OR8I2: variants seen among roughly 807,000 people sequenced by gnomAD.
OR8I2 encodes the protein olfactory receptor 8I2.
For synonymous variants in OR8I2, 158 were observed against 142.8 expected (o/e 1.11, Z -0.76); for missense variants, 431 against 368.3 (o/e 1.17, Z -1.39).
In OR8I2 at chr11:56,093,677, A is replaced by G. The variant is rs17603011; in HGVS notation, c.370A>G (p.Ile124Val). 0.074 allele frequency: 119,376 copies of G among 1,613,826 alleles called. 4,979 individuals carry two copies. The highest frequency in any genetic ancestry group is 0.083 in the Non-Finnish European group (97,429 of 1,179,848). ...GGGATCAATGGCCTACAATCGCTAC[A>G]TAGCAATCTGCAATCCCTTACTGTA... ...LLGSMAYNRY[I>V]AICNPLLYSV... The change falls in exon 1 of 1, where the codon ATA becomes GTA. Residue 124 changes from isoleucine to valine, a missense_variant. Ile to Val is a conservative substitution (Grantham distance 29). Coordinates refer to ENST00000302124, the MANE Select transcript of OR8I2 (RefSeq NM_001003750.1).
rs755279483 is a variant in OR8I2 at position 56,093,347 on chromosome 11, C to A, written c.40C>A (p.Leu14Ile). 3 of 1,603,146 alleles carry A rather than the reference C, an allele frequency of 1.9e-6. No individual in the cohort carries two copies. In the African/African-American group the frequency reaches 4.0e-5, roughly 22 times the overall value. Residue 14 changes from leucine (L) to isoleucine (I), a missense_variant, in exon 1 of 1, where the codon CTC becomes ATC. Coordinates refer to ENST00000302124, the MANE Select transcript of OR8I2 (RefSeq NM_001003750.1). ...TTTCACTGAGGTTACCGTCTTCATC[C>A]TCTCTGGATTTGCAAATCACCCTGA... ...NNFTEVTVFI[L>I]SGFANHPELQ...
In OR8I2 at chr11:56,093,531, C is replaced by A. The variant is rs762424867; in HGVS notation, c.224C>A (p.Ser75Tyr). 8.7e-6 allele frequency: 14 copies of A among 1,613,832 alleles called. No homozygotes were observed. The highest frequency in any genetic ancestry group is 2.5e-6 in the Non-Finnish European group (3 of 1,179,934). ...GCATTTATTGACATATTTTACTCCTCTACTGTAACACCTAAGGCATTGGTG... is the reference window on the plus strand; with the variant it reads ...GCATTTATTGACATATTTTACTCCTATACTGTAACACCTAAGGCATTGGTG... ...NLAFIDIFYS[S>Y]TVTPKALVNF... Residue 75 changes from serine to tyrosine, a missense_variant, in exon 1 of 1, where the codon TCT becomes TAT. Physicochemically the swap from Ser to Tyr is moderately radical, Grantham distance 144. Transcript: ENST00000302124.
At position 56,094,212 on chromosome 11, in the gene OR8I2, G is replaced by A. The variant is rs759926706; in HGVS notation, c.905G>A (p.Arg302Lys). The change falls in exon 1 of 1, where the codon AGA becomes AAA. Residue 302 changes from arginine (R) to lysine (K), a missense_variant. Arg to Lys is a conservative substitution (Grantham distance 26). Coordinates refer to ENST00000302124, the MANE Select transcript of OR8I2 (RefSeq NM_001003750.1). ...AAAGATGTGAAAAATGCTCTTCTGA[G>A]AGTCATACATAGAAAACTTTTTCCA... ...RNKDVKNALL[R>K]VIHRKLFP The A allele has an allele frequency of 7.0e-6, 11 of 1,582,336 alleles. No individual in the cohort carries two copies. In the East Asian group the frequency reaches 2.5e-4, roughly 36 times the overall value.
At position 56,093,781 on chromosome 11, in the gene OR8I2, A is replaced by G. The variant is rs1853913834; in HGVS notation, c.474A>G (p.Ile158Met). The change falls in exon 1 of 1, where the codon ATA becomes ATG. Residue 158 changes from isoleucine (I) to methionine (M), a missense_variant. Transcript: ENST00000302124. ...PYVIGFTSSLISVWVISSLAF... is the reference protein window; with the variant it reads ...PYVIGFTSSLMSVWVISSLAF... The stretch of plus-strand genomic sequence containing the variant: ...TGATAGGCTTCACAAGCTCGCTGAT[A>G]TCTGTCTGGGTGATAAGCAGTTTGG... 7.4e-6 allele frequency: 12 copies of G among 1,613,842 alleles called. No individual in the cohort carries two copies. The highest frequency in any genetic ancestry group is 1.1e-5 in the South Asian group (1 of 91,090).
Position 56,093,993 on chromosome 11 carries a change from C to T in OR8I2, c.686C>T (p.Ser229Leu), listed in dbSNP as rs375256509. Residue 229 changes from serine to leucine, a missense_variant, in exon 1 of 1, where the codon TCA becomes TTA. Physicochemically the swap from Ser to Leu is moderately radical, Grantham distance 145 (BLOSUM62 -2). Transcript: ENST00000302124. ...IIISAILRIQ[S>L]AAGRQKAFST... ...ATCTCAGCCATCCTGAGGATCCAGT[C>T]AGCAGCAGGCAGGCAGAAGGCCTTC... The T allele has an allele frequency of 1.5e-5, 25 of 1,613,832 alleles. No homozygotes were observed. Among genetic ancestry groups the T allele is most frequent in the Admixed American group, 5.0e-5 (3 of 59,908 alleles).
chr11:56,094,019 T>G lies in OR8I2; in HGVS notation c.712T>G (p.Ser238Ala). The change falls in exon 1 of 1, where the codon TCC becomes GCC. Residue 238 changes from serine to alanine, a missense_variant. Ser to Ala is a moderately conservative substitution (Grantham distance 99). Transcript: ENST00000302124. ...QSAAGRQKAF[S>A]TCASHLMAVT... The stretch of plus-strand genomic sequence containing the variant: ...AGCAGCAGGCAGGCAGAAGGCCTTC[T>G]CCACCTGCGCATCCCACCTCATGGC... 1 of 1,613,970 alleles carries G rather than the reference T, an allele frequency of 6.2e-7. No individual in the cohort carries two copies. The highest frequency in any genetic ancestry group is 2.2e-5 in the East Asian group (1 of 44,870).
In OR8I2 at chr11:56,093,387, T is replaced by C; in HGVS notation, c.80T>C (p.Leu27Pro). ...AATCACCCTGAATTACAAGTCAGTC[T>C]TTTCTTGATGTTTCTCTTCATTTAT... is the stretch of plus-strand genomic sequence containing the variant. ...FANHPELQVS[L>P]FLMFLFIYLF... Residue 27 changes from leucine to proline, a missense_variant, in exon 1 of 1, where the codon CTT becomes CCT. Physicochemically the swap from Leu to Pro is moderately conservative, Grantham distance 98. Transcript: ENST00000302124. The C allele has an allele frequency of 6.2e-7, 1 of 1,613,374 alleles. No homozygotes were observed. The highest frequency in any genetic ancestry group is 8.5e-7 in the Non-Finnish European group (1 of 1,179,658).
At position 56,094,100 on chromosome 11, in the gene OR8I2, T is replaced by A. The variant is rs2134653454; in HGVS notation, c.793T>A (p.Ser265Thr). ...CACCTATTTGCAACCTGATAACACATCATCGCTGACCCAGGCGCAGGTGGC... is the reference window on the plus strand; with the variant it reads ...CACCTATTTGCAACCTGATAACACAACATCGCTGACCCAGGCGCAGGTGGC... ...IFTYLQPDNT[S>T]SLTQAQVASV... The change falls in exon 1 of 1, where the codon TCA becomes ACA. Residue 265 changes from serine (S) to threonine (T), a missense_variant. Physicochemically the swap from Ser to Thr is moderately conservative, Grantham distance 58 (BLOSUM62 1). Transcript: ENST00000302124. The A allele has an allele frequency of 6.2e-7, 1 of 1,614,064 alleles. No individual in the cohort carries two copies. Among genetic ancestry groups the A allele is most frequent in the Non-Finnish European group, 8.5e-7 (1 of 1,180,026 alleles).
Position 56,094,102 on chromosome 11 carries a change from A to G in OR8I2, c.795A>G (p.Ser265=), listed in dbSNP as rs752824158. Residue 265 remains serine, a synonymous_variant, in exon 1 of 1, where the codon TCA becomes TCG. Coordinates refer to ENST00000302124, the MANE Select transcript of OR8I2 (RefSeq NM_001003750.1). ...IFTYLQPDNT[S]SLTQAQVASV... is the part of the protein sequence containing the mutation. ...CCTATTTGCAACCTGATAACACATCATCGCTGACCCAGGCGCAGGTGGCAT... is the reference window on the plus strand; with the variant it reads ...CCTATTTGCAACCTGATAACACATCGTCGCTGACCCAGGCGCAGGTGGCAT... The G allele has an allele frequency of 1.9e-6, 3 of 1,613,964 alleles. No homozygotes were observed. The South Asian group carries it at 3.3e-5, about 18-fold the overall frequency.
rs2134652802 is a variant in OR8I2 at position 56,093,731 on chromosome 11, A to G, written c.424A>G (p.Asn142Asp). ...YSVVMSQKVS[N>D]WLGVMPYVIG... ...AGTAGTCATGTCCCAAAAAGTGTCC[A>G]ACTGGCTGGGAGTAATGCCATATGT... The change falls in exon 1 of 1, where the codon AAC (asparagine) becomes GAC (aspartate). Residue 142 changes from asparagine to aspartate, a missense_variant. Physicochemically the swap from Asn to Asp is conservative, Grantham distance 23. Transcript: ENST00000302124. 1 of 1,614,052 alleles carries G rather than the reference A, an allele frequency of 6.2e-7. No individual in the cohort carries two copies. The highest frequency in any genetic ancestry group is 1.7e-4 in the Middle Eastern group (1 of 6,060).
chr11:56,093,690 A>C lies in OR8I2; in HGVS notation c.383A>C (p.Asn128Thr). ...TACAATCGCTACATAGCAATCTGCA[A>C]TCCCTTACTGTATTCAGTAGTCATG... The part of the protein sequence containing the change: ...MAYNRYIAIC[N>T]PLLYSVVMSQ... Residue 128 changes from asparagine (N) to threonine (T), a missense_variant, in exon 1 of 1, where the codon AAT becomes ACT. Transcript: ENST00000302124. The C allele has an allele frequency of 1.2e-6, 2 of 1,613,978 alleles. No individual in the cohort carries two copies. The highest frequency in any genetic ancestry group is 1.7e-6 in the Non-Finnish European group (2 of 1,179,928).
Position 56,093,755 on chromosome 11 carries a change from G to T in OR8I2, c.448G>T (p.Val150Leu), listed in dbSNP as rs766994519. The T allele has an allele frequency of 6.2e-7, 1 of 1,614,000 alleles. No individual in the cohort carries two copies. The highest frequency in any genetic ancestry group is 8.5e-7 in the Non-Finnish European group (1 of 1,179,934). The change falls in exon 1 of 1, where the codon GTG (valine) becomes TTG (leucine). Residue 150 changes from valine to leucine, a missense_variant. Coordinates refer to ENST00000302124, the MANE Select transcript of OR8I2 (RefSeq NM_001003750.1). ...CAACTGGCTGGGAGTAATGCCATATGTGATAGGCTTCACAAGCTCGCTGAT... is the reference window on the plus strand; with the variant it reads ...CAACTGGCTGGGAGTAATGCCATATTTGATAGGCTTCACAAGCTCGCTGAT... ...VSNWLGVMPY[V>L]IGFTSSLISV...
Position 56,093,568 on chromosome 11 carries a change from C to T in OR8I2, c.261C>T (p.Ser87=). The T allele has an allele frequency of 1.2e-6, 2 of 1,613,940 alleles. No homozygotes were observed. Among genetic ancestry groups the T allele is most frequent in the Non-Finnish European group, 1.7e-6 (2 of 1,179,954 alleles). ...CTAAGGCATTGGTGAATTTCCAATC[C>T]AATCGGAGATCCATCTCCTTTGTTG... The part of the protein sequence containing the change: ...VTPKALVNFQ[S]NRRSISFVGC... The change falls in exon 1 of 1, where the codon TCC becomes TCT. Residue 87 remains serine, a synonymous_variant. Coordinates refer to ENST00000302124, the MANE Select transcript of OR8I2 (RefSeq NM_001003750.1).
chr11:56,093,414 T>C lies in OR8I2; in HGVS notation c.107T>C (p.Leu36Pro). 6.2e-7 allele frequency: 1 copy of C among 1,613,850 alleles called. No individual in the cohort carries two copies. Residue 36 changes from leucine to proline, a missense_variant, in exon 1 of 1, where the codon CTA (leucine) becomes CCA (proline). Physicochemically the swap from Leu to Pro is moderately conservative, Grantham distance 98. Coordinates refer to ENST00000302124, the MANE Select transcript of OR8I2 (RefSeq NM_001003750.1). ...SLFLMFLFIY[L>P]FTVLGNLGLI... is the part of the protein sequence containing the mutation. Reference sequence around the variant, plus strand: ...TTCTTGATGTTTCTCTTCATTTATCTATTCACTGTTTTGGGAAACCTGGGA... The same window carrying C: ...TTCTTGATGTTTCTCTTCATTTATCCATTCACTGTTTTGGGAAACCTGGGA...
rs1163361176 is a variant in OR8I2 at position 56,093,477 on chromosome 11, C to T, written c.170C>T (p.Thr57Ile). The T allele has an allele frequency of 2.5e-6, 4 of 1,613,892 alleles. No homozygotes were observed. Among genetic ancestry groups the T allele is most frequent in the Non-Finnish European group, 3.4e-6 (4 of 1,179,894 alleles). ...ATCAGAATGGATTCTCAGCTTCACACCCCTATGTACTTTTTCCTGAGCAAT... is the reference window on the plus strand; with the variant it reads ...ATCAGAATGGATTCTCAGCTTCACATCCCTATGTACTTTTTCCTGAGCAAT... ...TLIRMDSQLH[T>I]PMYFFLSNLA... is the part of the protein sequence containing the mutation. The change falls in exon 1 of 1, where the codon ACC becomes ATC. Residue 57 changes from threonine to isoleucine, a missense_variant. Physicochemically the swap from Thr to Ile is moderately conservative, Grantham distance 89. Transcript: ENST00000302124.
chr11:56,094,042 G>A lies in OR8I2; in HGVS notation c.735G>A (p.Met245Ile). 1 of 1,613,974 alleles carries A rather than the reference G, an allele frequency of 6.2e-7. No homozygotes were observed. The highest frequency in any genetic ancestry group is 1.3e-5 in the African/African-American group (1 of 74,984). The change falls in exon 1 of 1, where the codon ATG (methionine) becomes ATA (isoleucine). Residue 245 changes from methionine (M) to isoleucine (I), a missense_variant. Transcript: ENST00000302124. ...TCTCCACCTGCGCATCCCACCTCAT[G>A]GCTGTAACTATCTTTTATGGGTCTC... Reference protein sequence around the residue: ...KAFSTCASHLMAVTIFYGSLI... With the variant: ...KAFSTCASHLIAVTIFYGSLI...
In OR8I2 at chr11:56,093,644, T is replaced by C; in HGVS notation, c.337T>C (p.Phe113Leu). Residue 113 changes from phenylalanine (F) to leucine (L), a missense_variant, in exon 1 of 1, where the codon TTC becomes CTC. By Grantham distance (22) the Phe-to-Leu change is conservative. Transcript: ENST00000302124. ...FFVGLVCCEC[F>L]LLGSMAYNRY... ...TGTTGGATTGGTGTGTTGTGAGTGT[T>C]TCCTTCTGGGATCAATGGCCTACAA... is the stretch of plus-strand genomic sequence containing the variant. 2 of 1,614,032 alleles carry C rather than the reference T, an allele frequency of 1.2e-6. No individual in the cohort carries two copies. Among genetic ancestry groups the C allele is most frequent in the Non-Finnish European group, 1.7e-6 (2 of 1,179,978 alleles).
Position 56,094,101 on chromosome 11 carries a change from C to A in OR8I2, c.794C>A (p.Ser265Ter). Reference sequence around the variant, plus strand: ...ACCTATTTGCAACCTGATAACACATCATCGCTGACCCAGGCGCAGGTGGCA... The same window carrying A: ...ACCTATTTGCAACCTGATAACACATAATCGCTGACCCAGGCGCAGGTGGCA... Reference protein sequence around the residue: ...IFTYLQPDNTSSLTQAQVASV... With the variant: ...IFTYLQPDNT The change falls in exon 1 of 1, where the codon TCA (serine) becomes TAA (stop). Residue 265 changes from serine (S) to a stop codon, truncating the protein, a stop_gained. Coordinates refer to ENST00000302124, the MANE Select transcript of OR8I2 (RefSeq NM_001003750.1). LOFTEE classifies it low-confidence loss of function (END_TRUNC). 6.2e-7 allele frequency: 1 copy of A among 1,614,066 alleles called. No homozygotes were observed. The highest frequency in any genetic ancestry group is 8.5e-7 in the Non-Finnish European group (1 of 1,180,022).
rs1225526667 is a variant in OR8I2, at chr11:56,094,085, C to T, written c.778C>T (p.Gln260Ter). The part of the protein sequence containing the change: ...FYGSLIFTYL[Q>*]PDNTSSLTQA... Reference sequence around the variant, plus strand: ...TGGGTCTCTGATTTTCACCTATTTGCAACCTGATAACACATCATCGCTGAC... The same window carrying T: ...TGGGTCTCTGATTTTCACCTATTTGTAACCTGATAACACATCATCGCTGAC... Residue 260 changes from glutamine (Q) to a stop codon, truncating the protein, a stop_gained, in exon 1 of 1, where the codon CAA (glutamine) becomes TAA (stop). Transcript: ENST00000302124. LOFTEE classifies it low-confidence loss of function (END_TRUNC). The T allele has an allele frequency of 6.2e-7, 1 of 1,614,046 alleles. No homozygotes were observed. Among genetic ancestry groups the T allele is most frequent in the South Asian group, 1.1e-5 (1 of 91,076 alleles).
Sources: gnomAD v4.1 joint callset for allele counts on GRCh38, gnomAD v4.1.1 for gene constraint, MANE v1.5 for transcripts, NCBI Gene and HGNC (gene_info 2026-07-23, HGNC 2026-07-21) for gene names.